Variants in EFNA5 observed in about 807,000 individuals in gnomAD.
EFNA5 encodes the protein ephrin A5.
A neutral mutation model predicts 22.9 loss-of-function variants in EFNA5; 5 were observed. That is an observed-to-expected ratio of 0.22 (90% CI 0.11 to 0.46). The LOEUF (loss-of-function observed/expected upper bound fraction) is 0.46. Among genes scored for constraint, EFNA5 ranks in the 20% least tolerant of loss-of-function variants. The probability of loss-of-function intolerance (pLI) is 0.99; values close to 1 mark genes in which losing one functional copy is unlikely to be tolerated. For missense variants in EFNA5, 237 were observed against 293.3 expected (o/e 0.81, Z 1.40); for synonymous variants, 113 against 112.2 (o/e 1.01, Z -0.04).
At chr5:107,561,450 C>T (rs1748542059) in intron 1 of EFNA5, among the ~76,000 whole-genome samples, 1 of 152,088 alleles carries the variant, frequency 6.6e-6, no homozygotes, top group Admixed American at 6.5e-5. Context: ...CCCACTGCAA[C>T]CTCCACCTCC....
chr5:107,416,664 GCTAAA>G (rs991843803), intron 2 of EFNA5, among the ~76,000 whole-genome samples: 57 of 152,260 alleles, frequency 3.7e-4, no homozygotes, highest in African/African-American at 1.3e-3. Flanking sequence ...TTAGCAAAAG[GCTAAA>G]CTAAACTTCA....
chr5:107,461,548 G>A (rs1475889075), intron 1 of EFNA5, among the ~76,000 whole-genome samples: 3 of 152,082 alleles, frequency 2.0e-5, no homozygotes, highest in African/African-American at 7.2e-5. Flanking sequence ...GGGGGAGAAA[G>A]ACTGTGATCT....
At chr5:107,542,368 A>C (rs972624088) in intron 1 of EFNA5, among the ~76,000 whole-genome samples, 12 of 152,170 alleles carry the variant, frequency 7.9e-5, no homozygotes, top group Admixed American at 5.2e-4. Flanking sequence ...CCTGTGGAAA[A>C]GACAAGTACA....
At chr5:107,473,261 GA>G (rs1554061385) in intron 1 of EFNA5, among the ~76,000 whole-genome samples, 2 of 101,460 alleles carry the variant, frequency 2.0e-5, no homozygotes, top group African/African-American at 9.1e-5. Context: ...TTCCAGGTCT[GA>G]TTTTTTTTTT....
chr5:107,470,523 G>A (rs636137), intron 1 of EFNA5, among the ~76,000 whole-genome samples: 47,314 of 152,116 alleles, frequency 0.31, 9,395 homozygotes, highest in African/African-American at 0.56. Flanking sequence ...TAAAATTGGA[G>A]GACTAAACAG....
At chr5:107,566,184 G>A (rs950929162) in intron 1 of EFNA5, among the ~76,000 whole-genome samples, 5 of 152,114 alleles carry the variant, frequency 3.3e-5, no homozygotes, top group African/African-American at 9.7e-5. Flanking sequence ...ACGCAGGACC[G>A]GTCAAGCCCA....
intron 1 of EFNA5, among the ~76,000 whole-genome samples, chr5:107,468,336 T>TTA (rs1750048481): frequency 6.6e-6 from 1 of 152,216 alleles, no homozygotes; most frequent in African/African-American, 2.4e-5. Context: ...AAAATTGCTT[T>TTA]TAATGACAGA....
intron 1 of EFNA5, among the ~76,000 whole-genome samples, chr5:107,559,007 T>C (rs1392775569): frequency 6.6e-6 from 1 of 152,218 alleles, no homozygotes; most frequent in African/African-American, 2.4e-5. Context: ...ATGAAGAGAA[T>C]TCTACAGCCA....
intron 1 of EFNA5, among the ~76,000 whole-genome samples, chr5:107,443,823 C>A (rs1249448545): frequency 6.6e-6 from 1 of 152,088 alleles, no homozygotes; most frequent in Admixed American, 6.5e-5. Flanking sequence ...CACATGTATA[C>A]GTATGTAACA....
chr5:107,582,060 C>T (rs1004889762), intron 1 of EFNA5, among the ~76,000 whole-genome samples: 8 of 152,082 alleles, frequency 5.3e-5, no homozygotes, highest in African/African-American at 1.9e-4. Context: ...ATTCTAAGTA[C>T]ACAGGTATCA....
chr5:107,527,426 A>T (rs1747718472), intron 1 of EFNA5, among the ~76,000 whole-genome samples: 1 of 152,020 alleles, frequency 6.6e-6, no homozygotes, highest in Non-Finnish European at 1.5e-5. Context: ...AGCTCGGACT[A>T]CAGGCATATG....
At chr5:107,598,487 T>C (rs1166249105) in intron 1 of EFNA5, among the ~76,000 whole-genome samples, 1 of 142,330 alleles carries the variant, frequency 7.0e-6, no homozygotes, top group Non-Finnish European at 1.5e-5. Context: ...GACCACAGAC[T>C]CTGTGCAAAA....
chr5:107,646,488 A>G (rs1291484703), intron 1 of EFNA5, among the ~76,000 whole-genome samples: 1 of 152,184 alleles, frequency 6.6e-6, no homozygotes, highest in African/African-American at 2.4e-5. Flanking sequence ...AGTAGATTAT[A>G]AGTATCTGGT....
chr5:107,601,772 AACAC>A (rs1294310527), intron 1 of EFNA5, among the ~76,000 whole-genome samples: 5 of 152,170 alleles, frequency 3.3e-5, no homozygotes, highest in Admixed American at 6.5e-5. Context: ...CCTTTACAGA[AACAC>A]ACAAACAAAA....
chr5:107,651,107 A>G (rs1460353516), intron 1 of EFNA5, among the ~76,000 whole-genome samples: 3 of 152,200 alleles, frequency 2.0e-5, no homozygotes. Context: ...GTCACCCTTC[A>G]ACATTTCATC....
intron 1 of EFNA5, among the ~76,000 whole-genome samples, chr5:107,641,910 A>G (rs2112544968): frequency 6.6e-6 from 1 of 152,158 alleles, no homozygotes; most frequent in South Asian, 2.1e-4. Flanking sequence ...CCAGCTCCAT[A>G]TCAAGCCCAT....
rs73781147 is a variant in EFNA5, at chr5:107,637,094, C to T, written c.125+33395G>A. Reference sequence around the variant, plus strand: ...GCTGAACTAAGCAAGAATTCTAACCCTAAATTTTGTGTGGGAGGCTTAAAT... The same window carrying T: ...GCTGAACTAAGCAAGAATTCTAACCTTAAATTTTGTGTGGGAGGCTTAAAT... On this transcript the variant is annotated intron_variant, in intron 1 of 4. Transcript: ENST00000333274. Among the ~76,000 whole-genome samples the T allele has an allele frequency of 2.9e-3, 440 of 152,224 alleles. 3 individuals are homozygous for T. The highest frequency in any genetic ancestry group is 9.9e-3 in the African/African-American group (411 of 41,532).
chr5:107,659,967 A>G (rs1172407028), intron 1 of EFNA5, among the ~76,000 whole-genome samples: 1 of 151,612 alleles, frequency 6.6e-6, no homozygotes, highest in Non-Finnish European at 1.5e-5. Context: ...GGTATGTCTG[A>G]CCTTAGGTGT....
intron 1 of EFNA5, among the ~76,000 whole-genome samples, chr5:107,649,688 A>G (rs1750691026): frequency 6.6e-6 from 1 of 152,200 alleles, no homozygotes; most frequent in Non-Finnish European, 1.5e-5. Context: ...TCTTTGACAT[A>G]TCTCTGTATA....
Sources: gnomAD v4.1 joint callset for allele counts (sites outside exome capture counted in the v4.1 genomes callset) on GRCh38, gnomAD v4.1.1 for gene constraint, MANE v1.5 for transcripts, NCBI Gene and HGNC (gene_info 2026-07-23, HGNC 2026-07-21) for gene names.